Variants in FBXO15 observed in about 807,000 individuals in gnomAD.
FBXO15 encodes the protein F-box only protein 15.
A neutral mutation model predicts 49.5 loss-of-function variants in FBXO15; 30 were observed. The observed-to-expected ratio is 0.61, with a 90% confidence interval of 0.45 to 0.82. The LOEUF (loss-of-function observed/expected upper bound fraction) is 0.82. Among genes scored for constraint, FBXO15 ranks in the 40% least tolerant of loss-of-function variants. FBXO15 has a pLI of 0.00. For synonymous variants in FBXO15, 250 were observed against 232.7 expected (o/e 1.07, Z -0.68); for missense variants, 591 against 631.5 (o/e 0.94, Z 0.69).
In FBXO15 at chr18:74,073,393, T is replaced by G; in HGVS notation, c.*68A>C. 6.5e-7 allele frequency: 1 copy of G among 1,527,770 alleles called. No homozygotes were observed. Among genetic ancestry groups the G allele is most frequent in the South Asian group, 1.3e-5 (1 of 78,962 alleles). 94.6% of individuals were successfully genotyped at this position (1,527,770 alleles called of 1,614,324 possible). A position where few individuals can be genotyped will look rare whatever the true frequency, so the allele number is the denominator to read the frequency against. On this transcript the variant is annotated 3_prime_UTR_variant, in exon 10 of 10. Transcript: ENST00000419743. Reference sequence around the variant, plus strand: ...TCTGCAGATTTGCTTTATTTTAATTTTCAACACCAAGAACAAAGCCAGTCA... The same window carrying G: ...TCTGCAGATTTGCTTTATTTTAATTGTCAACACCAAGAACAAAGCCAGTCA...
rs934747826 is a variant in FBXO15 at position 74,130,331 on chromosome 18, C to T, written c.575+85G>A. On this transcript the variant is annotated intron_variant, in intron 4 of 9. Coordinates refer to ENST00000419743, the MANE Select transcript of FBXO15 (RefSeq NM_001142958.2). ...ACACACAAAAATACTAGAGACAGTC[C>T]CACACAATCTAAACTGCACATACGT... The T allele has an allele frequency of 5.8e-5, 89 of 1,524,080 alleles. No individual in the cohort carries two copies. The South Asian group carries it at 7.1e-4, about 12-fold the overall frequency. 94.4% of individuals were successfully genotyped at this position (1,524,080 alleles called of 1,614,324 possible).
At chr18:74,134,698 A>G (rs933550301) in intron 3 of FBXO15, among the ~76,000 whole-genome samples, 2 of 152,128 alleles carry the variant, frequency 1.3e-5, no homozygotes, top group Admixed American at 1.3e-4. Flanking sequence ...ATTTCAGAGC[A>G]CTAAATTATA....
chr18:74,093,246 G>A (rs576536783), intron 8 of FBXO15, among the ~76,000 whole-genome samples: 139 of 115,628 alleles, frequency 1.2e-3, no homozygotes, highest in African/African-American at 4.2e-3. Flanking sequence ...ACTCATACAC[G>A]TGTGCTGGCA....
intron 8 of FBXO15, among the ~76,000 whole-genome samples, chr18:74,110,411 T>C (rs1211225372): frequency 6.6e-6 from 1 of 151,718 alleles, no homozygotes; most frequent in South Asian, 2.1e-4. Context: ...ATAAGTGATA[T>C]GCTAAGAAAG....
chr18:74,108,626 C>T (rs115936175), intron 8 of FBXO15, among the ~76,000 whole-genome samples: 265 of 150,870 alleles, frequency 1.8e-3, no homozygotes, highest in African/African-American at 5.1e-3. Context: ...GAGAAGGAAA[C>T]GGAAGAAATA....
At chr18:74,135,987 G>T in intron 2 of FBXO15, 121 bp from the exon 3 acceptor site, 1 of 667,380 alleles carries the variant, frequency 1.5e-6, no homozygotes, top group Non-Finnish European at 2.5e-6. Flanking sequence ...GACCCCTCCT[G>T]TACAAGAGGC....
In FBXO15 at chr18:74,073,486, T is replaced by C. The variant is rs537269818; in HGVS notation, c.1508A>G (p.Asn503Ser). 2.5e-6 allele frequency: 4 copies of C among 1,614,048 alleles called. No individual in the cohort carries two copies. Among genetic ancestry groups the C allele is most frequent in the South Asian group, 2.2e-5 (2 of 91,018 alleles). The change falls in exon 10 of 10, where the codon AAC becomes AGC. Residue 503 changes from asparagine (N) to serine (S), a missense_variant. Physicochemically the swap from Asn to Ser is conservative, Grantham distance 46. Transcript: ENST00000419743. ...CTAATATTCAGTCCCAAACCAATGG[T>C]TGATTTTTGCGATACTAAGATAAAG... ...LVLYLSIAKI[N>S]HWFGTEY
chr18:74,131,742 A>T (rs1451556568), intron 3 of FBXO15, among the ~76,000 whole-genome samples: 8 of 152,228 alleles, frequency 5.3e-5, no homozygotes, highest in Admixed American at 2.0e-4. Flanking sequence ...TTTAAACATT[A>T]ATGATTTGCT....
chr18:74,078,112 G>A (rs915190340), intron 9 of FBXO15, among the ~76,000 whole-genome samples: 5 of 152,038 alleles, frequency 3.3e-5, no homozygotes, highest in South Asian at 2.1e-4. Context: ...CTAAGCCGTC[G>A]GTGGGTGTCT....
Position 74,139,501 on chromosome 18 carries a change from T to C in FBXO15, c.227+701A>G, listed in dbSNP as rs148571044. ...TTTTTAAAATACACTGAAATGTGTA[T>C]ACAGATATGTACACTGTTAGCTGAG... On this transcript the variant is annotated intron_variant, in intron 2 of 9. Transcript: ENST00000419743. Among the ~76,000 whole-genome samples the C allele has an allele frequency of 2.9e-3, 439 of 152,340 alleles. 3 individuals are homozygous for C. The highest frequency in any genetic ancestry group is 7.9e-3 in the African/African-American group (329 of 41,574).
At chr18:74,094,115 T>C (rs1436413998) in intron 8 of FBXO15, among the ~76,000 whole-genome samples, 1 of 152,232 alleles carries the variant, frequency 6.6e-6, no homozygotes, top group Non-Finnish European at 1.5e-5. Flanking sequence ...ACTAGATGTA[T>C]TCTCAATGAG....
intron 1 of FBXO15, among the ~76,000 whole-genome samples, chr18:74,145,156 C>T (rs892124267): frequency 1.2e-4 from 19 of 152,134 alleles, no homozygotes; most frequent in African/African-American, 4.3e-4. Context: ...CTATCTTTGG[C>T]TAAAACATTT....
chr18:74,147,471 A>C, intron 1 of FBXO15, 199 bp downstream of exon 1: 5 of 1,209,028 alleles, frequency 4.1e-6, no homozygotes, highest in African/African-American at 1.6e-5. Context: ...AGGCTACTCT[A>C]TTTGTGTCAT....
chr18:74,098,348 A>G (rs1369451583), intron 8 of FBXO15: 1 of 152,230 alleles, frequency 6.6e-6, no homozygotes, highest in Admixed American at 6.5e-5. Context: ...GGTAAAGTCC[A>G]ATTTAAGGAA....
intron 3 of FBXO15, among the ~76,000 whole-genome samples, chr18:74,133,075 TG>T (rs1978497796): frequency 6.6e-6 from 1 of 152,238 alleles, no homozygotes; most frequent in Non-Finnish European, 1.5e-5. Flanking sequence ...ATTGATTACT[TG>T]TTCAATTATC....
At chr18:74,135,895 TCACCAGAGTGGAC>T in intron 2 of FBXO15, 29 bp from the exon 3 acceptor site, 1 of 1,449,682 alleles carries the variant, frequency 6.9e-7, no homozygotes, top group Non-Finnish European at 9.5e-7. Context: ...AAAAAAAAAA[TCACCAGAGTGGAC>T]CAGGGCTTAA....
chr18:74,111,285 A>G (rs1914020936), intron 8 of FBXO15, among the ~76,000 whole-genome samples: 1 of 151,772 alleles, frequency 6.6e-6, no homozygotes, highest in Non-Finnish European at 1.5e-5. Flanking sequence ...AAAAGAAAAA[A>G]AAACATAAAA....
intron 8 of FBXO15, among the ~76,000 whole-genome samples, chr18:74,103,839 C>T (rs1913630011): frequency 6.6e-6 from 1 of 152,136 alleles, no homozygotes; most frequent in South Asian, 2.1e-4. Flanking sequence ...TGAGGCAATT[C>T]ACCAACACCA....
intron 5 of FBXO15, 137 bp from the exon 6 acceptor site, chr18:74,126,238 A>C: frequency 8.4e-7 from 1 of 1,184,284 alleles, no homozygotes. Context: ...GCATGTTGGC[A>C]GGGTGAGGAC....
Sources: gnomAD v4.1 joint callset for allele counts (sites outside exome capture counted in the v4.1 genomes callset) on GRCh38, gnomAD v4.1.1 for gene constraint, MANE v1.5 for transcripts, NCBI Gene and HGNC (gene_info 2026-07-23, HGNC 2026-07-21) for gene names.